Variants in LYN observed in about 807,000 individuals in gnomAD.
The protein encoded by LYN is tyrosine-protein kinase Lyn.
In LYN, 12 loss-of-function variants were observed where a neutral mutation model predicts 65.0. That is an observed-to-expected ratio of 0.18 (90% CI 0.12 to 0.30). The LOEUF is 0.30. LYN is among the 10% of genes least tolerant of loss of function. LYN has a pLI of 1.00. For missense variants in LYN, 380 were observed against 623.2 expected (o/e 0.61, Z 4.16); for synonymous variants, 222 against 221.2 (o/e 1.00, Z -0.03).
At chr8:55,885,802 G>A (rs1441475919) in intron 1 of LYN, among the ~76,000 whole-genome samples, 1 of 152,194 alleles carries the variant, frequency 6.6e-6, no homozygotes, top group Non-Finnish European at 1.5e-5. Context: ...AGGCCCCAGA[G>A]GAGGCAGGCA....
At chr8:55,942,369 G>GTA (rs1216408348) in intron 2 of LYN, among the ~76,000 whole-genome samples, 82 of 137,642 alleles carry the variant, frequency 6.0e-4, no homozygotes, top group African/African-American at 1.0e-3. Flanking sequence ...ATATATATGT[G>GTA]TATATATATG....
intron 12 of LYN, among the ~76,000 whole-genome samples, chr8:56,002,596 C>G (rs1421511368): frequency 1.4e-5 from 2 of 141,330 alleles, no homozygotes; most frequent in African/African-American, 3.0e-5. Flanking sequence ...GAAGGAGACT[C>G]CATCTCAAAA....
At chr8:55,944,176 TATATATAGAAA>T (rs1222350999) in intron 2 of LYN, among the ~76,000 whole-genome samples, 1 of 152,210 alleles carries the variant, frequency 6.6e-6, no homozygotes, top group African/African-American at 2.4e-5. Flanking sequence ...ATTGTAATTT[TATATATAGAAA>T]ATATATGTAC....
intron 2 of LYN, among the ~76,000 whole-genome samples, chr8:55,943,587 A>AAG (rs1806690957): frequency 6.6e-6 from 1 of 151,510 alleles, no homozygotes; most frequent in Non-Finnish European, 1.5e-5. Context: ...AAAAAAAAAA[A>AAG]AAAAAAAGGC....
chr8:55,932,011 T>G (rs561862588), intron 1 of LYN, among the ~76,000 whole-genome samples: 1 of 152,198 alleles, frequency 6.6e-6, no homozygotes, highest in African/African-American at 2.4e-5. Context: ...ACATATGACA[T>G]GCTTAAACTT....
intron 1 of LYN, among the ~76,000 whole-genome samples, chr8:55,890,117 C>CAAAAAAAAAAAAAAAAAA (rs34706733): frequency 1.3e-4 from 10 of 79,084 alleles, no homozygotes; most frequent in African/African-American, 3.3e-4. Context: ...CCTCTATAGA[C>CAAAAAAAAAAAAAAAAAA]AAAAAAAAAA....
chr8:55,903,347 T>A (rs937536531), intron 1 of LYN, among the ~76,000 whole-genome samples: 1 of 152,218 alleles, frequency 6.6e-6, no homozygotes, highest in African/African-American at 2.4e-5. Context: ...TTCTTTGAGG[T>A]GTTTATTTGA....
At position 55,902,114 on chromosome 8, in the gene LYN, TCTC is replaced by T. The variant is rs1217304066; in HGVS notation, c.-6+22013_-6+22015del. ...CCTCTGTCTCCTGGGTTCAAGCAATTCTCCCACCTCAGCCTCCCGAGTAGCTGG... is the reference window on the plus strand; with the variant it reads ...CCTCTGTCTCCTGGGTTCAAGCAATTCCACCTCAGCCTCCCGAGTAGCTGG... On this transcript the variant is annotated intron_variant, in intron 1 of 12. Coordinates refer to ENST00000519728, the MANE Select transcript of LYN (RefSeq NM_002350.4). 3.9e-5 allele frequency among the ~76,000 whole-genome samples: 6 copies of T among 151,976 alleles called. No homozygotes were observed. The East Asian group carries it at 1.2e-3, about 29-fold the overall frequency.
chr8:55,950,684 G>C lies in LYN; in HGVS notation c.387G>C (p.Trp129Cys). 1 of 1,612,800 alleles carries C rather than the reference G, an allele frequency of 6.2e-7. No homozygotes were observed. Among genetic ancestry groups the C allele is most frequent in the Non-Finnish European group, 8.5e-7 (1 of 1,178,808 alleles). ...AAATGTTGAAATGTCTTCACAGGTG[G>C]TTTTTCAAGGATATAACCAGGAAGG... ...AKLNTLETEE[W>C]FFKDITRKDA... The change falls in exon 6 of 13, where the codon TGG becomes TGC. Residue 129 changes from tryptophan (W) to cysteine (C), a missense_variant. Physicochemically the swap from Trp to Cys is radical, Grantham distance 215. Coordinates refer to ENST00000519728, the MANE Select transcript of LYN (RefSeq NM_002350.4).
At chr8:55,956,460 A>G (rs1807115690) in intron 8 of LYN, among the ~76,000 whole-genome samples, 1 of 152,142 alleles carries the variant, frequency 6.6e-6, no homozygotes, top group South Asian at 2.1e-4. Context: ...ATCTACAGTA[A>G]TCCACCATCA....
At chr8:55,982,306 T>C (rs990951181) in intron 10 of LYN, among the ~76,000 whole-genome samples, 8 of 152,188 alleles carry the variant, frequency 5.3e-5, no homozygotes, top group African/African-American at 1.4e-4. Flanking sequence ...GATTTGGTTT[T>C]GTTTTTTTTT....
At chr8:55,911,642 G>A (rs1805641226) in intron 1 of LYN, among the ~76,000 whole-genome samples, 1 of 146,386 alleles carries the variant, frequency 6.8e-6, no homozygotes, top group African/African-American at 2.5e-5. Context: ...AGGGTGTCCT[G>A]TATTTTATCT....
rs947582519 is a variant in LYN at position 55,922,678 on chromosome 8, A to G, written c.-5-19177A>G. On this transcript the variant is annotated intron_variant, in intron 1 of 12. Coordinates refer to ENST00000519728, the MANE Select transcript of LYN (RefSeq NM_002350.4). ...GCTATTGGGGGAGCTGAGGCAGGTG[A>G]ATCACTTGAACCTGGCAGGCGGAGG... 3.3e-5 allele frequency among the ~76,000 whole-genome samples: 5 copies of G among 152,250 alleles called. No homozygotes were observed. The East Asian group carries it at 9.7e-4, about 30-fold the overall frequency.
At chr8:55,969,039 T>G (rs2719254) in intron 9 of LYN, among the ~76,000 whole-genome samples, 71,451 of 151,962 alleles carry the variant, frequency 0.47, 17,621 homozygotes, top group African/African-American at 0.59. Context: ...CCAGCCCTTT[T>G]GGAGGCCAAG....
intron 10 of LYN, among the ~76,000 whole-genome samples, chr8:55,974,128 T>C (rs10101914): frequency 0.24 from 35,875 of 152,156 alleles, 4,526 homozygotes; most frequent in African/African-American, 0.32. Flanking sequence ...CCAAGGTTAC[T>C]GAGCTAGTAT....
chr8:55,880,482 G>C (rs1352679291), intron 1 of LYN, among the ~76,000 whole-genome samples: 2 of 152,194 alleles, frequency 1.3e-5, no homozygotes, highest in Non-Finnish European at 2.9e-5. Context: ...GCACACAGTG[G>C]GGAAGCCGCT....
chr8:55,959,698 T>C (rs567997447), intron 8 of LYN, among the ~76,000 whole-genome samples: 2 of 152,288 alleles, frequency 1.3e-5, no homozygotes, highest in South Asian at 2.1e-4. Flanking sequence ...AACCTGTACA[T>C]GAGTGTTCAT....
intron 8 of LYN, among the ~76,000 whole-genome samples, chr8:55,959,738 A>T (rs1807221002): frequency 6.6e-6 from 1 of 152,210 alleles, no homozygotes. Context: ...GCCAAAAAGT[A>T]CAAACAACTG....
At chr8:55,971,409 C>T (rs192871423) in intron 10 of LYN, among the ~76,000 whole-genome samples, 1 of 152,324 alleles carries the variant, frequency 6.6e-6, no homozygotes, top group Admixed American at 6.5e-5. Context: ...TAAACTTGGG[C>T]CATACTTACA....
Sources: gnomAD v4.1 joint callset for allele counts (sites outside exome capture counted in the v4.1 genomes callset) on GRCh38, gnomAD v4.1.1 for gene constraint, MANE v1.5 for transcripts, NCBI Gene and HGNC (gene_info 2026-07-23, HGNC 2026-07-21) for gene names.